RIMS2: variants seen among roughly 807,000 people sequenced by gnomAD.
RIMS2 encodes regulating synaptic membrane exocytosis protein 2.
In RIMS2, 59 loss-of-function variants were observed where a neutral mutation model predicts 174.4. The ratio of observed to expected loss-of-function variants is 0.34; its 90% confidence interval spans 0.27 to 0.42. The LOEUF is 0.42. Among genes scored for constraint, RIMS2 ranks in the 10% least tolerant of loss-of-function variants. The probability of loss-of-function intolerance (pLI) is 1.00; values close to 1 mark genes in which losing one functional copy is unlikely to be tolerated. For missense variants in RIMS2, 1,620 were observed against 1,666.3 expected (o/e 0.97, Z 0.48); for synonymous variants, 606 against 572.5 (o/e 1.06, Z -0.84).
chr8:103,625,152 G>A (rs2095750506), intron 1 of RIMS2, among the ~76,000 whole-genome samples: 1 of 151,510 alleles, frequency 6.6e-6, no homozygotes, highest in African/African-American at 2.4e-5. Flanking sequence ...TGGGGCAGGG[G>A]TGTTTGTTTA....
intron 14 of RIMS2, among the ~76,000 whole-genome samples, chr8:103,951,942 C>G (rs1350991819): frequency 2.0e-5 from 3 of 152,148 alleles, no homozygotes; most frequent in African/African-American, 7.2e-5. Flanking sequence ...ATTGCTGAGC[C>G]TTGAGTAGGC....
chr8:103,681,964 A>C (rs1184385600), intron 1 of RIMS2, among the ~76,000 whole-genome samples: 1 of 152,068 alleles, frequency 6.6e-6, no homozygotes, highest in African/African-American at 2.4e-5. Context: ...TAAAATTGAA[A>C]GGACATATTG....
intron 1 of RIMS2, among the ~76,000 whole-genome samples, chr8:103,603,535 G>A (rs1037606897): frequency 6.6e-6 from 1 of 152,132 alleles, no homozygotes; most frequent in South Asian, 2.1e-4. Context: ...GCTGGGTCAA[G>A]TGGTATTTCT....
At chr8:103,711,472 G>T (rs2097302714) in intron 2 of RIMS2, among the ~76,000 whole-genome samples, 1 of 152,114 alleles carries the variant, frequency 6.6e-6, no homozygotes. Context: ...AAATGAAGTT[G>T]GACTCTTTTT....
intron 1 of RIMS2, among the ~76,000 whole-genome samples, chr8:103,521,528 TCAG>T (rs1831688448): frequency 6.6e-6 from 1 of 152,116 alleles, no homozygotes; most frequent in Admixed American, 6.6e-5. Flanking sequence ...GCCATCTACC[TCAG>T]CATCTGTCAC....
chr8:103,791,044 A>C (rs1208243811), intron 3 of RIMS2, among the ~76,000 whole-genome samples: 1 of 152,226 alleles, frequency 6.6e-6, no homozygotes, highest in Admixed American at 6.5e-5. Context: ...AGGCAGGCCA[A>C]CATTCAAATT....
At chr8:103,896,124 A>G (rs1469833285) in intron 4 of RIMS2, among the ~76,000 whole-genome samples, 1 of 151,564 alleles carries the variant, frequency 6.6e-6, no homozygotes, top group Non-Finnish European at 1.5e-5. Flanking sequence ...TCTTATTTCC[A>G]TGGTCTTCCT....
chr8:103,964,546 T>G (rs1162893219), intron 15 of RIMS2, among the ~76,000 whole-genome samples: 2 of 152,170 alleles, frequency 1.3e-5, no homozygotes, highest in Admixed American at 6.6e-5. Flanking sequence ...TTAAGAGTTC[T>G]CTGTATATTT....
At chr8:104,231,357 TC>T (rs201688267) in intron 19 of RIMS2, among the ~76,000 whole-genome samples, 11,909 of 145,022 alleles carry the variant, frequency 0.082, 529 homozygotes, top group African/African-American at 0.13. Flanking sequence ...TGAGGTGTTT[TC>T]TTTTTTTATG....
At chr8:103,731,438 G>T (rs2097593308) in intron 2 of RIMS2, among the ~76,000 whole-genome samples, 1 of 152,012 alleles carries the variant, frequency 6.6e-6, no homozygotes, top group African/African-American at 2.4e-5. Flanking sequence ...TAGTCTTCTT[G>T]GAGTTAAGTT....
At position 104,057,847 on chromosome 8, in the gene RIMS2, C is replaced by G. The variant is rs1408606978; in HGVS notation, c.3334+43232C>G. On this transcript the variant is annotated intron_variant, in intron 19 of 23. Transcript: ENST00000504942. Reference sequence around the variant, plus strand: ...GGTTTTTTGTCCTTGCGATAGTTTACTGAGAATGATGATTTCCAATTTCAT... The same window carrying G: ...GGTTTTTTGTCCTTGCGATAGTTTAGTGAGAATGATGATTTCCAATTTCAT... Among the ~76,000 whole-genome samples the G allele has an allele frequency of 2.7e-5, 4 of 149,812 alleles. No individual in the cohort carries two copies. The East Asian group carries it at 7.9e-4, about 30-fold the overall frequency.
At position 103,622,631 on chromosome 8, in the gene RIMS2, A is replaced by G. The variant is rs141227454; in HGVS notation, c.177-74455A>G. Among the ~76,000 whole-genome samples, 951 of 152,338 alleles carry G rather than the reference A, an allele frequency of 6.2e-3. 11 individuals carry two copies. The highest frequency in any genetic ancestry group is 0.022 in the African/African-American group (917 of 41,572). On this transcript the variant is annotated intron_variant, in intron 1 of 23. Transcript: ENST00000504942. Reference sequence around the variant, plus strand: ...CATACAGATGCACATTCCGTTTTCAAAGTCCTCAAGAAAAGGGATTTGCAA... The same window carrying G: ...CATACAGATGCACATTCCGTTTTCAGAGTCCTCAAGAAAAGGGATTTGCAA...
chr8:104,030,502 G>A (rs2096366951), intron 19 of RIMS2, among the ~76,000 whole-genome samples: 1 of 152,094 alleles, frequency 6.6e-6, no homozygotes, highest in African/African-American at 2.4e-5. Context: ...TGGCCTATAA[G>A]GCCCTACATG....
At chr8:104,114,861 AT>A (rs1183359581) in intron 19 of RIMS2, among the ~76,000 whole-genome samples, 5 of 151,956 alleles carry the variant, frequency 3.3e-5, no homozygotes, top group African/African-American at 1.2e-4. Context: ...TTAATAACTA[AT>A]TTTTTAATTT....
chr8:103,568,823 A>G (rs1027897415), intron 1 of RIMS2: 3 of 1,136,212 alleles, frequency 2.6e-6, no homozygotes, highest in African/African-American at 3.1e-5. Context: ...GAAGCTGAGC[A>G]TATTCTTCTG....
intron 3 of RIMS2, among the ~76,000 whole-genome samples, chr8:103,771,791 T>C (rs1012819608): frequency 6.6e-6 from 1 of 152,158 alleles, no homozygotes; most frequent in African/African-American, 2.4e-5. Context: ...GGTAGTTGTA[T>C]GACAAATTAA....
chr8:103,735,867 A>T (rs2097679096), intron 2 of RIMS2, among the ~76,000 whole-genome samples: 1 of 152,102 alleles, frequency 6.6e-6, no homozygotes, highest in Admixed American at 6.6e-5. Flanking sequence ...CAGTAGATGA[A>T]CTTTTTCTAG....
At chr8:104,028,135 A>C (rs1360547666) in intron 19 of RIMS2, among the ~76,000 whole-genome samples, 1 of 151,894 alleles carries the variant, frequency 6.6e-6, no homozygotes, top group Admixed American at 6.6e-5. Context: ...CTCTAAAAAA[A>C]AAAAGATCTA....
At position 103,796,064 on chromosome 8, in the gene RIMS2, T is replaced by C. The variant is rs529439238; in HGVS notation, c.698+29527T>C. ...TCCTCTTGATTTTATAATATGTACA[T>C]ATTTATGATTTTGATTAATTTCATC... On this transcript the variant is annotated intron_variant, in intron 3 of 23. Coordinates refer to ENST00000504942, the Ensembl canonical transcript of RIMS2. 2.6e-5 allele frequency among the ~76,000 whole-genome samples: 4 copies of C among 152,232 alleles called. No individual in the cohort carries two copies. In the South Asian group the frequency reaches 6.2e-4, roughly 24 times the overall value.
Sources: allele counts gnomAD v4.1 joint callset (sites outside exome capture counted in the v4.1 genomes callset), GRCh38; gene constraint gnomAD v4.1.1; transcripts MANE v1.5; gene names NCBI Gene and HGNC (gene_info 2026-07-23, HGNC 2026-07-21).